Variants in MXD1 observed in about 807,000 individuals in gnomAD.
The protein encoded by MXD1 is MAX dimerization protein 1, also known as MAX-binding protein.
A neutral mutation model predicts 25.7 loss-of-function variants in MXD1; 9 were observed. The ratio of observed to expected loss-of-function variants is 0.35; its 90% CI spans 0.21 to 0.61. MXD1 has a LOEUF of 0.61. Ranked by LOEUF, MXD1 falls within the 20% of genes least tolerant of loss-of-function variation. The pLI is 0.75. For synonymous variants in MXD1, 99 were observed against 113.9 expected, an observed-to-expected ratio of 0.87 and a Z score of 0.83; for missense variants, 227 against 292.4, an observed-to-expected ratio of 0.78 and a Z score of 1.63.
At chr2:69,928,274 T>A (rs751119681) in intron 3 of MXD1, among the ~76,000 whole-genome samples, 16 of 151,968 alleles carry the variant, frequency 1.1e-4, no homozygotes, top group Non-Finnish European at 2.2e-4. Context: ...AACCTCAGAG[T>A]TAAACAGGCT....
intron 5 of MXD1, 47 bp downstream of exon 5, chr2:69,937,441 C>T: frequency 6.8e-7 from 1 of 1,473,482 alleles, no homozygotes; most frequent in Non-Finnish European, 8.9e-7. Context: ...GCTCCCCAAC[C>T]CCAGAGCAGG....
intron 3 of MXD1, among the ~76,000 whole-genome samples, chr2:69,929,920 TACA>T (rs1166786296): frequency 6.6e-6 from 1 of 152,226 alleles, no homozygotes. Context: ...AGCTTTATAA[TACA>T]ATTTAATATC....
Position 69,916,339 on chromosome 2 carries a change from T to G in MXD1, c.173+119T>G, listed in dbSNP as rs577220441. On this transcript the variant is annotated intron_variant, in intron 2 of 5. Transcript: ENST00000264444. ...TAAAATTACATTGTGGCCGTCATGA[T>G]TCAGTAATGTACACATGGACTTAAG... The G allele has an allele frequency of 3.3e-3, 2,237 of 670,152 alleles. 3 individuals carry two copies. Among genetic ancestry groups the G allele is most frequent in the Non-Finnish European group, 4.7e-3 (1,802 of 385,228 alleles). The allele number at this position is 670,152 out of a possible 1,614,324, so 41.5% of individuals were successfully genotyped here. A position where few individuals can be genotyped will look rare whatever the true frequency, so the allele number is the denominator to read the frequency against.
At position 69,915,294 on chromosome 2, in the gene MXD1, TG is replaced by T. The variant is rs904575925; in HGVS notation, c.-32del. 7.7e-7 allele frequency: 1 copy of T among 1,302,434 alleles called. No homozygotes were observed. The highest frequency in any genetic ancestry group is 9.8e-7 in the Non-Finnish European group (1 of 1,016,814). The allele number at this position is 1,302,434 out of a possible 1,614,324, so 80.7% of individuals were successfully genotyped here. ...GCGGCGGCAGCGAGCCCGTGGGCAG[TG>T]GGGGTTGGTCCCGTGGCTCCGGCCC... On this transcript the variant is annotated 5_prime_UTR_variant, in exon 1 of 6. Coordinates refer to ENST00000264444, the MANE Select transcript of MXD1 (RefSeq NM_002357.4). The surrounding 1 kb of genome is among the most constrained non-coding windows in gnomAD (Gnocchi z 5.8).
chr2:69,927,578 C>T (rs568714752), intron 3 of MXD1, among the ~76,000 whole-genome samples: 102 of 152,272 alleles, frequency 6.7e-4, no homozygotes, highest in African/African-American at 2.3e-3. Flanking sequence ...TACCTGGGAC[C>T]CTGGGGCTAT....
At chr2:69,932,516 G>T (rs1241004816) in intron 3 of MXD1, among the ~76,000 whole-genome samples, 2 of 152,188 alleles carry the variant, frequency 1.3e-5, no homozygotes, top group African/African-American at 2.4e-5. Flanking sequence ...TTGGCTTTGG[G>T]TCTCTGCAAA....
intron 5 of MXD1, 98 bp from the exon 6 acceptor site, chr2:69,937,999 T>G (rs1242303456): frequency 2.6e-6 from 3 of 1,151,044 alleles, no homozygotes; most frequent in Non-Finnish European, 2.5e-6. Context: ...CACCCGCCTT[T>G]GCCTCCCAAA....
chr2:69,937,177 C>A (rs1302546035), intron 4 of MXD1, 58 bp from the exon 5 acceptor site: 2 of 1,600,604 alleles, frequency 1.2e-6, no homozygotes, highest in Non-Finnish European at 1.7e-6. Context: ...GATGCGGGGG[C>A]CATTGCCCAT....
intron 2 of MXD1, among the ~76,000 whole-genome samples, chr2:69,918,446 A>G (rs1031472081): frequency 1.3e-5 from 2 of 152,264 alleles, no homozygotes; most frequent in African/African-American, 4.8e-5. Flanking sequence ...GAAATTATCC[A>G]TAGAACTGCT....
chr2:69,931,295 TA>T (rs1486981503), intron 3 of MXD1, among the ~76,000 whole-genome samples: 1 of 152,092 alleles, frequency 6.6e-6, no homozygotes, highest in Non-Finnish European at 1.5e-5. Context: ...ATTTTTTTTT[TA>T]ACCCATTAAC....
chr2:69,918,318 A>C (rs6718298), intron 2 of MXD1, among the ~76,000 whole-genome samples: 46,713 of 152,062 alleles, frequency 0.31, 7,831 homozygotes, highest in African/African-American at 0.45. Flanking sequence ...ATAAAAGATA[A>C]GATTTTGCCA....
At position 69,915,335 on chromosome 2, in the gene MXD1, C is replaced by T; in HGVS notation, c.5C>T (p.Ala2Val). 7.7e-7 allele frequency: 1 copy of T among 1,306,750 alleles called. No homozygotes were observed. The highest frequency in any genetic ancestry group is 9.8e-7 in the Non-Finnish European group (1 of 1,018,788). 80.9% of individuals were successfully genotyped at this position (1,306,750 alleles called of 1,614,324 possible). ...GGCTCCGGCCCCCGGTGCAGAATGG[C>T]GGCGGCGGTTCGGATGAACATCCAG... M[A>V]AAVRMNIQML... is the part of the protein sequence containing the mutation. Residue 2 changes from alanine (A) to valine (V), a missense_variant, in exon 1 of 6, where the codon GCG (alanine) becomes GTG (valine). By Grantham distance (64) the Ala-to-Val change is moderately conservative. Coordinates refer to ENST00000264444, the MANE Select transcript of MXD1 (RefSeq NM_002357.4). The surrounding 1 kb of genome is among the most constrained non-coding windows in gnomAD (Gnocchi z 5.8).
At chr2:69,936,555 A>G (rs945035817) in intron 4 of MXD1, among the ~76,000 whole-genome samples, 1 of 152,226 alleles carries the variant, frequency 6.6e-6, no homozygotes, top group Middle Eastern at 3.2e-3. Context: ...GCCTGCATTC[A>G]TGACAATTCT....
Position 69,915,411 on chromosome 2 carries a change from G to A in MXD1, c.73+8G>A. 1 of 1,275,318 alleles carries A rather than the reference G, an allele frequency of 7.8e-7. No individual in the cohort carries two copies. The highest frequency in any genetic ancestry group is 1.0e-6 in the Non-Finnish European group (1 of 1,000,894). The allele number at this position is 1,275,318 out of a possible 1,614,324, so 79.0% of individuals were successfully genotyped here. On this transcript the variant is annotated splice_region_variant and intron_variant, in intron 1 of 5. Coordinates refer to ENST00000264444, the MANE Select transcript of MXD1 (RefSeq NM_002357.4). The surrounding 1 kb of genome is among the most constrained non-coding windows in gnomAD (Gnocchi z 5.8). Reference sequence around the variant, plus strand: ...TGGAGCGGCGGGAGAGAGGTGCACGGGGACGGGGAGGGGTCCACTCGAAAC... The same window carrying A: ...TGGAGCGGCGGGAGAGAGGTGCACGAGGACGGGGAGGGGTCCACTCGAAAC...
intron 3 of MXD1, among the ~76,000 whole-genome samples, chr2:69,934,929 T>C (rs1320244209): frequency 6.6e-6 from 1 of 152,334 alleles, no homozygotes. Context: ...CCTTGACTTA[T>C]GATGGGGTTA....
chr2:69,937,464 C>T (rs867246851), intron 5 of MXD1, 70 bp downstream of exon 5: 35 of 1,415,100 alleles, frequency 2.5e-5, no homozygotes, highest in African/African-American at 2.5e-4. Flanking sequence ...TTCAGTACTG[C>T]GGACAGGAGG....
chr2:69,930,033 A>G (rs555611176), intron 3 of MXD1, among the ~76,000 whole-genome samples: 124 of 152,372 alleles, frequency 8.1e-4, no homozygotes, highest in African/African-American at 2.9e-3. Flanking sequence ...CAGTGTTAAA[A>G]AGAACACTGT....
chr2:69,933,526 T>C (rs897119), intron 3 of MXD1, among the ~76,000 whole-genome samples: 81,364 of 152,008 alleles, frequency 0.54, 23,756 homozygotes, highest in African/African-American at 0.79. Flanking sequence ...GCCCTTGTGC[T>C]ATTACCTCTT....
Position 69,915,156 on chromosome 2 carries a change from G to GC in MXD1, c.-170dup, listed in dbSNP as rs1676934280. ...TGTGTCGGCGGTGCCCAGCTCACTG[G>GC]CCCCCTCCCTCTCTTGTCGAGCGTG... On this transcript the variant is annotated 5_prime_UTR_variant, in exon 1 of 6. Coordinates refer to ENST00000264444, the MANE Select transcript of MXD1 (RefSeq NM_002357.4). The surrounding 1 kb of genome is among the most constrained non-coding windows in gnomAD (Gnocchi z 5.8). 1 of 460,256 alleles carries GC rather than the reference G, an allele frequency of 2.2e-6. No individual in the cohort carries two copies. Among genetic ancestry groups the GC allele is most frequent in the South Asian group, 8.4e-5 (1 of 11,838 alleles). The allele number at this position is 460,256 out of a possible 1,614,324, so 28.5% of individuals were successfully genotyped here. A position where few individuals can be genotyped will look rare whatever the true frequency, so the allele number is the denominator to read the frequency against.
Sources: allele counts gnomAD v4.1 joint callset (sites outside exome capture counted in the v4.1 genomes callset), GRCh38; gene constraint gnomAD v4.1.1; non-coding constraint Gnocchi (gnomAD v3.1); transcripts MANE v1.5; gene names NCBI Gene and HGNC (gene_info 2026-07-23, HGNC 2026-07-21).